Variants in PCDHA6 observed in about 807,000 individuals in gnomAD.
The protein encoded by PCDHA6 is protocadherin alpha-6.
Under a neutral mutation model 60.3 loss-of-function variants are expected in PCDHA6, and 55 were observed. The observed-to-expected ratio is 0.91, with a 90% CI of 0.73 to 1.14. PCDHA6 has a LOEUF of 1.14. PCDHA6 is among the 50% of genes most tolerant of loss of function. The probability of loss-of-function intolerance (pLI) is 0.00; values close to 1 mark genes in which losing one functional copy is unlikely to be tolerated. For missense variants in PCDHA6, 1,327 were observed against 1,256.5 expected, an observed-to-expected ratio of 1.06 and a Z score of -0.85; for synonymous variants, 652 against 557.9, an observed-to-expected ratio of 1.17 and a Z score of -2.38.
At chr5:140,848,733 C>A (rs1554142396) in intron 1 of PCDHA6, 2 of 1,592,812 alleles carry the variant, frequency 1.3e-6, no homozygotes, top group South Asian at 2.2e-5. Flanking sequence ...GGTAAATCTG[C>A]AGAATGGCAT....
intron 1 of PCDHA6, chr5:140,857,075 A>G: frequency 6.3e-7 from 1 of 1,597,052 alleles, no homozygotes; most frequent in African/African-American, 1.3e-5. Context: ...ACTGGATGAA[A>G]ATGATAATTC....
chr5:140,871,799 T>C (rs1183689356), intron 1 of PCDHA6, among the ~76,000 whole-genome samples: 2 of 152,196 alleles, frequency 1.3e-5, no homozygotes, highest in Non-Finnish European at 2.9e-5. Context: ...AAATAATTAC[T>C]ATTTTCACTA....
chr5:140,848,170 G>A, intron 1 of PCDHA6: 1 of 259,584 alleles, frequency 3.9e-6, no homozygotes, highest in Non-Finnish European at 7.4e-6. Flanking sequence ...GAAGGCTCCA[G>A]CAAGAGAAAC....
chr5:140,909,442 A>T (rs1345461412), intron 1 of PCDHA6, among the ~76,000 whole-genome samples: 11 of 152,234 alleles, frequency 7.2e-5, no homozygotes, highest in African/African-American at 2.7e-4. Context: ...ATCCACTGTC[A>T]TTCTCCAAGA....
intron 1 of PCDHA6, chr5:140,860,013 G>T (rs1218796590): frequency 6.6e-6 from 1 of 151,942 alleles, no homozygotes; most frequent in African/African-American, 2.4e-5. Flanking sequence ...TTAAGGCCAG[G>T]CATGGTGGCT....
chr5:140,985,716 A>G (rs960879186), intron 3 of PCDHA6, among the ~76,000 whole-genome samples: 7 of 113,758 alleles, frequency 6.2e-5, no homozygotes, highest in Admixed American at 2.6e-4. Flanking sequence ...TCTTAAAGTT[A>G]TTTTTCCTTC....
At chr5:140,876,086 C>G (rs371336139) in intron 1 of PCDHA6, 7 of 1,613,778 alleles carry the variant, frequency 4.3e-6, no homozygotes, top group Non-Finnish European at 1.7e-6. Flanking sequence ...AGAGAGCAAA[C>G]GCCAAAACTC....
intron 1 of PCDHA6, chr5:140,967,070 A>C (rs781831975): frequency 6.2e-7 from 1 of 1,613,072 alleles, no homozygotes; most frequent in South Asian, 1.1e-5. Context: ...GCTCTTCGTC[A>C]ACGAGCGCAT....
intron 1 of PCDHA6, chr5:140,860,306 G>T (rs991442000): frequency 6.6e-6 from 1 of 152,016 alleles, no homozygotes; most frequent in Non-Finnish European, 1.5e-5. Context: ...GCTTGAGCCT[G>T]GGAAGTTGAG....
intron 3 of PCDHA6, among the ~76,000 whole-genome samples, chr5:140,984,112 A>G (rs2097087288): frequency 6.6e-6 from 1 of 152,244 alleles, no homozygotes; most frequent in Admixed American, 6.5e-5. Flanking sequence ...GTGGTTTTAG[A>G]CTGCCAAGTG....
At chr5:140,863,561 A>G (rs1581693390) in intron 1 of PCDHA6, 1 of 376,820 alleles carries the variant, frequency 2.7e-6, no homozygotes. Flanking sequence ...GAAATTTTTG[A>G]GAATATAAGT....
intron 1 of PCDHA6, chr5:140,863,589 T>C: frequency 2.8e-6 from 1 of 359,456 alleles, no homozygotes; most frequent in Admixed American, 3.7e-5. Flanking sequence ...TCCTGGAAAG[T>C]ATTTCATTCC....
At chr5:140,869,380 G>A (rs1315666503) in intron 1 of PCDHA6, 1 of 1,614,046 alleles carries the variant, frequency 6.2e-7, no homozygotes, top group African/African-American at 1.3e-5. Context: ...GATCGACCGC[G>A]AGGAGCTGTG....
chr5:140,887,183 A>G (rs1211270850), intron 1 of PCDHA6, among the ~76,000 whole-genome samples: 2 of 147,766 alleles, frequency 1.4e-5, no homozygotes, highest in African/African-American at 5.0e-5. Flanking sequence ...TGCAAGCTCC[A>G]CCTCCCGGGT....
intron 1 of PCDHA6, chr5:140,856,080 A>G: frequency 6.3e-7 from 1 of 1,594,626 alleles, no homozygotes; most frequent in African/African-American, 1.3e-5. Context: ...CTGGGGGTCC[A>G]GTGTCTGCTG....
intron 1 of PCDHA6, among the ~76,000 whole-genome samples, chr5:140,953,785 T>C (rs2094935669): frequency 6.6e-6 from 1 of 152,224 alleles, no homozygotes. Context: ...TTTATTTTTT[T>C]CTTCAACTTT....
At chr5:140,875,884 C>A in intron 1 of PCDHA6, 1 of 1,614,168 alleles carries the variant, frequency 6.2e-7, no homozygotes, top group Non-Finnish European at 8.5e-7. Context: ...AGAAAGGGAA[C>A]AAAAGGTACC....
rs2150396566 is a variant in PCDHA6, at chr5:140,846,990, G to A, written c.2394+16505G>A. 7.1e-4 allele frequency among the ~76,000 whole-genome samples: 106 copies of A among 149,506 alleles called. 4 individuals are homozygous for A. In the South Asian group the frequency reaches 0.022, roughly 31 times the overall value. On this transcript the variant is annotated intron_variant, in intron 1 of 3. Coordinates refer to ENST00000529310, the MANE Select transcript of PCDHA6 (RefSeq NM_018909.4). The stretch of plus-strand genomic sequence containing the variant: ...GTTTTAAAATAAGTAAGTTCCCCCC[G>A]GGAGAATATTGAGAATGATAGACAT...
At position 140,850,402 on chromosome 5, in the gene PCDHA6, C is replaced by T. The variant is rs2150482432; in HGVS notation, c.2394+19917C>T. On this transcript the variant is annotated intron_variant, in intron 1 of 3. Coordinates refer to ENST00000529310, the MANE Select transcript of PCDHA6 (RefSeq NM_018909.4). ...ACGGGCGAGATCAGCACAACGCGTG[C>T]CCTGGACGAAACGGACGCACCGCGC... 60 of 1,597,956 alleles carry T rather than the reference C, an allele frequency of 3.8e-5. 2 individuals carry two copies. The East Asian group carries it at 1.1e-3, about 30-fold the overall frequency.
Sources: allele counts gnomAD v4.1 joint callset (sites outside exome capture counted in the v4.1 genomes callset), GRCh38; gene constraint gnomAD v4.1.1; transcripts MANE v1.5; gene names NCBI Gene and HGNC (gene_info 2026-07-23, HGNC 2026-07-21).